The following VMP1 variants were observed in gnomAD, a reference collection of about 807,000 sequenced individuals.
VMP1 encodes vacuole membrane protein 1, also known as ectopic P-granules autophagy protein 3 homolog.
VMP1 carries 11 observed loss-of-function variants against 56.0 expected under a neutral mutation model. That is an observed-to-expected ratio of 0.20 (90% CI 0.12 to 0.32). VMP1 has a LOEUF of 0.32. Ranked by LOEUF, VMP1 falls within the 10% of genes least tolerant of loss-of-function variation. The probability of loss-of-function intolerance (pLI) is 1.00; values close to 1 mark genes in which losing one functional copy is unlikely to be tolerated. For synonymous variants in VMP1, 149 were observed against 165.0 expected, an observed-to-expected ratio of 0.90 and a Z score of 0.74; for missense variants, 296 against 490.3, an observed-to-expected ratio of 0.60 and a Z score of 3.74.
At chr17:59,794,946 G>A (rs972742303) in intron 7 of VMP1, among the ~76,000 whole-genome samples, 1 of 148,988 alleles carries the variant, frequency 6.7e-6, no homozygotes, top group Non-Finnish European at 1.5e-5. Flanking sequence ...ACCTTCTTGT[G>A]TTGAAGGATT....
intron 5 of VMP1, among the ~76,000 whole-genome samples, chr17:59,761,994 T>C (rs1034793953): frequency 6.6e-6 from 1 of 152,202 alleles, no homozygotes; most frequent in African/African-American, 2.4e-5. Context: ...AGGCATGGAA[T>C]GTGTCTACAG....
chr17:59,816,674 G>A (rs538882973), intron 9 of VMP1, among the ~76,000 whole-genome samples: 3 of 151,604 alleles, frequency 2.0e-5, no homozygotes, highest in Admixed American at 1.3e-4. Flanking sequence ...GCATGGTGGC[G>A]GGCGCCTGTA....
At position 59,797,715 on chromosome 17, in the gene VMP1, A is replaced by G. The variant is rs2037494030; in HGVS notation, c.715-11081A>G. 2.0e-5 allele frequency among the ~76,000 whole-genome samples: 3 copies of G among 152,176 alleles called. No individual in the cohort carries two copies. In the South Asian group the frequency reaches 6.2e-4, roughly 32 times the overall value. On this transcript the variant is annotated intron_variant, in intron 7 of 11. Coordinates refer to ENST00000262291, the MANE Select transcript of VMP1 (RefSeq NM_030938.5). ...AATGTGGTGAAACCCTGTCGTTACTAAAAACATACAAAAATTAGCTGGGTG... is the reference window on the plus strand; with the variant it reads ...AATGTGGTGAAACCCTGTCGTTACTGAAAACATACAAAAATTAGCTGGGTG...
intron 7 of VMP1, among the ~76,000 whole-genome samples, chr17:59,807,015 C>G (rs2037863740): frequency 6.6e-6 from 1 of 151,804 alleles, no homozygotes; most frequent in East Asian, 1.9e-4. Context: ...TCAGTATTAA[C>G]TACTGTGGTA....
chr17:59,840,093 G>T lies in VMP1; in HGVS notation c.*182G>T. On this transcript the variant is annotated 3_prime_UTR_variant, in exon 12 of 12. Transcript: ENST00000262291. ...ACTTTTTCCTTCTGTGCTAAGGTAA[G>T]GTATCCACCCTCGATGCAATCCACC... 1 of 681,046 alleles carries T rather than the reference G, an allele frequency of 1.5e-6. No homozygotes were observed. The highest frequency in any genetic ancestry group is 2.3e-6 in the Non-Finnish European group (1 of 428,760). 42.2% of individuals were successfully genotyped at this position (681,046 alleles called of 1,614,324 possible). A position where few individuals can be genotyped will look rare whatever the true frequency, so the allele number is the denominator to read the frequency against.
chr17:59,804,112 C>T (rs897613593), intron 7 of VMP1, among the ~76,000 whole-genome samples: 6 of 151,012 alleles, frequency 4.0e-5, no homozygotes, highest in Non-Finnish European at 7.4e-5. Context: ...CAATAAGAGC[C>T]GCCAAATTAT....
At chr17:59,786,153 C>CT (rs983311608) in intron 7 of VMP1, among the ~76,000 whole-genome samples, 4 of 151,640 alleles carry the variant, frequency 2.6e-5, no homozygotes, top group African/African-American at 7.3e-5. Context: ...TGGCCAATGC[C>CT]TTTTTTTTAA....
intron 7 of VMP1, among the ~76,000 whole-genome samples, chr17:59,781,337 C>G (rs903708649): frequency 2.6e-5 from 4 of 152,116 alleles, no homozygotes; most frequent in Non-Finnish European, 4.4e-5. Context: ...AAAGTGAAAG[C>G]TCACACACCT....
chr17:59,760,678 T>C (rs971877050), intron 5 of VMP1, among the ~76,000 whole-genome samples: 1 of 152,200 alleles, frequency 6.6e-6, no homozygotes, highest in Non-Finnish European at 1.5e-5. Context: ...TGGAGTGCAG[T>C]GGCGCAATCT....
At chr17:59,735,752 A>G (rs1278126631) in intron 3 of VMP1, 1 of 305,908 alleles carries the variant, frequency 3.3e-6, no homozygotes, top group Non-Finnish European at 6.2e-6. Flanking sequence ...TACGATTTTT[A>G]TTTTCTCTCC....
At chr17:59,786,462 A>G (rs2037009864) in intron 7 of VMP1, among the ~76,000 whole-genome samples, 1 of 152,206 alleles carries the variant, frequency 6.6e-6, no homozygotes, top group Admixed American at 6.5e-5. Context: ...ACACAGATTC[A>G]TGAAAGAGTT....
Position 59,811,138 on chromosome 17 carries a change from G to A in VMP1, c.796-532G>A, listed in dbSNP as rs140625283. ...TTAATATTTTATGTTGAGAATAACAGCACATCCACCCATAAATGTATTTGA... is the reference window on the plus strand; with the variant it reads ...TTAATATTTTATGTTGAGAATAACAACACATCCACCCATAAATGTATTTGA... On this transcript the variant is annotated intron_variant, in intron 8 of 11. Coordinates refer to ENST00000262291, the MANE Select transcript of VMP1 (RefSeq NM_030938.5). 2.4e-3 allele frequency among the ~76,000 whole-genome samples: 360 copies of A among 152,222 alleles called. 2 individuals are homozygous for A. Among genetic ancestry groups the A allele is most frequent in the African/African-American group, 8.2e-3 (342 of 41,546 alleles).
At chr17:59,762,677 C>A (rs1345781215) in intron 5 of VMP1, among the ~76,000 whole-genome samples, 1 of 152,064 alleles carries the variant, frequency 6.6e-6, no homozygotes, top group Non-Finnish European at 1.5e-5. Context: ...GCTGAGTAAT[C>A]ATGACTTACT....
chr17:59,719,868 C>T (rs2034326564), intron 1 of VMP1, among the ~76,000 whole-genome samples: 1 of 152,184 alleles, frequency 6.6e-6, no homozygotes, highest in Admixed American at 6.5e-5. Flanking sequence ...TTAATGTTAA[C>T]TCTGTTTTAA....
At chr17:59,828,791 C>T (rs1257634664) in intron 10 of VMP1, among the ~76,000 whole-genome samples, 1 of 152,168 alleles carries the variant, frequency 6.6e-6, no homozygotes, top group Non-Finnish European at 1.5e-5. Context: ...ACATCAGTTA[C>T]CAGTTTTTTC....
chr17:59,801,447 T>A (rs920092174), intron 7 of VMP1, among the ~76,000 whole-genome samples: 6 of 151,324 alleles, frequency 4.0e-5, no homozygotes, highest in Non-Finnish European at 8.8e-5. Context: ...AGAGACTTGG[T>A]CTCCTTATGT....
At chr17:59,755,742 G>T (rs1240458332) in intron 5 of VMP1, among the ~76,000 whole-genome samples, 25 of 140,420 alleles carry the variant, frequency 1.8e-4, no homozygotes, top group Admixed American at 5.0e-4. Flanking sequence ...TTGGTTTTTG[G>T]TTTTTTTTTT....
chr17:59,716,125 A>G (rs1021202436), intron 1 of VMP1, among the ~76,000 whole-genome samples: 11 of 152,186 alleles, frequency 7.2e-5, no homozygotes, highest in African/African-American at 2.7e-4. Context: ...GTATCCCTAC[A>G]GTGGTGTTGC....
At chr17:59,726,907 T>C (rs1467287533) in intron 1 of VMP1, among the ~76,000 whole-genome samples, 2 of 152,196 alleles carry the variant, frequency 1.3e-5, no homozygotes, top group Non-Finnish European at 2.9e-5. Flanking sequence ...GGTCTGAATA[T>C]TTTGTCCTGT....
Sources: allele counts gnomAD v4.1 joint callset (sites outside exome capture counted in the v4.1 genomes callset), GRCh38; gene constraint gnomAD v4.1.1; transcripts MANE v1.5; gene names NCBI Gene and HGNC (gene_info 2026-07-23, HGNC 2026-07-21).